Variants in GRID2 observed in about 807,000 individuals in gnomAD.
The protein encoded by GRID2 is glutamate ionotropic receptor delta type subunit 2, also known as glutamate receptor ionotropic, delta-2.
Under a neutral mutation model 114.8 loss-of-function variants are expected in GRID2, and 33 were observed. That is an observed-to-expected ratio of 0.29 (90% CI 0.22 to 0.38). GRID2 has a LOEUF of 0.38. Among genes scored for constraint, GRID2 ranks in the 10% least tolerant of loss-of-function variants. The pLI is 1.00. For synonymous variants in GRID2, 505 were observed against 449.9 expected (o/e 1.12, Z -1.55); for missense variants, 1,184 against 1,257.7 (o/e 0.94, Z 0.89).
chr4:92,936,148 T>C (rs1578526007), intron 2 of GRID2, among the ~76,000 whole-genome samples: 1 of 146,872 alleles, frequency 6.8e-6, no homozygotes, highest in Non-Finnish European at 1.5e-5. Context: ...TATTTTGTTA[T>C]CTCTTTAATT....
Position 93,455,977 on chromosome 4 carries a change from A to G in GRID2, c.1858+3A>G. The G allele has an allele frequency of 6.6e-7, 1 of 1,526,690 alleles. No individual in the cohort carries two copies. The highest frequency in any genetic ancestry group is 9.1e-7 in the Non-Finnish European group (1 of 1,100,460). 94.6% of individuals were successfully genotyped at this position (1,526,690 alleles called of 1,614,324 possible). On this transcript the variant is annotated splice_donor_region_variant and intron_variant, in intron 11 of 15. Transcript: ENST00000282020. ...GTATGGATCTTTTGTACAACAAGGT[A>G]AGGAGCAAAAGTACATTCTAGTATT...
At chr4:93,519,256 T>C (rs765291510) in intron 13 of GRID2, among the ~76,000 whole-genome samples, 3 of 152,078 alleles carry the variant, frequency 2.0e-5, no homozygotes, top group Non-Finnish European at 2.9e-5. Flanking sequence ...CATATGACTA[T>C]TGTGCTGAAA....
intron 1 of GRID2, among the ~76,000 whole-genome samples, chr4:92,372,160 G>T (rs1372950172): frequency 3.3e-5 from 5 of 152,154 alleles, no homozygotes; most frequent in African/African-American, 1.2e-4. Context: ...TCTACTCCTG[G>T]TGAAGATGCT....
intron 9 of GRID2, among the ~76,000 whole-genome samples, chr4:93,407,701 GTCTCCTCCTCCTCCTCCTCCT>G: frequency 8.1e-6 from 1 of 123,360 alleles, no homozygotes; most frequent in Non-Finnish European, 1.7e-5. Flanking sequence ...TGTTTGGAAG[GTCTCCTCCTCCTCCTCCTCCT>G]TCTCCTCCTC....
chr4:92,619,626 A>G (rs991613147), intron 2 of GRID2, among the ~76,000 whole-genome samples: 9 of 151,754 alleles, frequency 5.9e-5, no homozygotes, highest in East Asian at 2.0e-4. Context: ...CAACCCCGGC[A>G]TGGAAGCTGT....
At chr4:93,139,832 A>T (rs1477793178) in intron 4 of GRID2, among the ~76,000 whole-genome samples, 2 of 152,082 alleles carry the variant, frequency 1.3e-5, no homozygotes, top group Admixed American at 1.3e-4. Flanking sequence ...TGTACAACTC[A>T]ATTATATAAT....
At chr4:93,364,549 G>A (rs377254333) in intron 8 of GRID2, among the ~76,000 whole-genome samples, 10 of 152,122 alleles carry the variant, frequency 6.6e-5, no homozygotes, top group East Asian at 5.8e-4. Flanking sequence ...ATAGCTCACC[G>A]TAACGTTCAA....
At chr4:93,449,621 A>G (rs1037646146) in intron 10 of GRID2, among the ~76,000 whole-genome samples, 3 of 152,196 alleles carry the variant, frequency 2.0e-5, no homozygotes, top group South Asian at 2.1e-4. Context: ...TTTAAACCCT[A>G]TAGACAAACG....
At chr4:93,108,029 TCTC>T (rs1732415166) in intron 3 of GRID2, among the ~76,000 whole-genome samples, 1 of 152,196 alleles carries the variant, frequency 6.6e-6, no homozygotes, top group Non-Finnish European at 1.5e-5. Flanking sequence ...ACCACAGTGG[TCTC>T]CTATAGATTT....
intron 2 of GRID2, among the ~76,000 whole-genome samples, chr4:92,985,452 T>C (rs1027540351): frequency 4.6e-5 from 7 of 152,232 alleles, no homozygotes; most frequent in South Asian, 2.1e-4. Flanking sequence ...TTAGCCAGGA[T>C]GGTCTCGATC....
intron 12 of GRID2, among the ~76,000 whole-genome samples, chr4:93,491,971 CT>C (rs1727051778): frequency 6.6e-6 from 1 of 151,812 alleles, no homozygotes; most frequent in Non-Finnish European, 1.5e-5. Flanking sequence ...TGAAATCATG[CT>C]GCTCAAGTTG....
intron 8 of GRID2, among the ~76,000 whole-genome samples, chr4:93,330,313 A>G (rs1315091831): frequency 2.0e-5 from 3 of 152,144 alleles, no homozygotes; most frequent in Non-Finnish European, 4.4e-5. Flanking sequence ...CTCCAGAAAT[A>G]AGAGAAGAAT....
chr4:93,607,319 G>C (rs1740354456), intron 13 of GRID2, among the ~76,000 whole-genome samples: 1 of 152,046 alleles, frequency 6.6e-6, no homozygotes, highest in Non-Finnish European at 1.5e-5. Flanking sequence ...AATACTTTCT[G>C]TGTCTTGCTT....
intron 2 of GRID2, among the ~76,000 whole-genome samples, chr4:92,596,374 T>C (rs926999532): frequency 6.6e-5 from 10 of 152,060 alleles, no homozygotes; most frequent in Admixed American, 1.3e-4. Context: ...TCTACATGTG[T>C]GAATTAGTGG....
intron 2 of GRID2, among the ~76,000 whole-genome samples, chr4:92,927,495 T>C (rs1034739255): frequency 9.2e-5 from 14 of 151,766 alleles, no homozygotes; most frequent in African/African-American, 2.9e-4. Flanking sequence ...CTGTACACAG[T>C]TGGGTTGCAA....
intron 8 of GRID2, among the ~76,000 whole-genome samples, chr4:93,378,452 C>T (rs1763568768): frequency 1.3e-5 from 2 of 152,034 alleles, no homozygotes; most frequent in Non-Finnish European, 2.9e-5. Context: ...ATTGTTATTA[C>T]AAGTTAATCA....
At position 93,608,926 on chromosome 4, in the gene GRID2, C is replaced by T. The variant is rs1052123919; in HGVS notation, c.2194-17343C>T. Among the ~76,000 whole-genome samples, 8 of 129,352 alleles carry T rather than the reference C, an allele frequency of 6.2e-5. 1 individual carries two copies. The highest frequency in any genetic ancestry group is 1.4e-4 in the Non-Finnish European group (8 of 58,692). The allele number at this position is 129,352 out of a possible 152,430, so 84.9% of individuals were successfully genotyped here. A position where few individuals can be genotyped will look rare whatever the true frequency, so the allele number is the denominator to read the frequency against. On this transcript the variant is annotated intron_variant, in intron 13 of 15. Coordinates refer to ENST00000282020, the MANE Select transcript of GRID2 (RefSeq NM_001510.4). The stretch of plus-strand genomic sequence containing the variant: ...TGGTTGAACTAGTTGACAGTCCCAC[C>T]AACAGTGTCAAAGTGTTCCTATTTC...
chr4:93,737,653 T>G (rs1731040789), intron 14 of GRID2, among the ~76,000 whole-genome samples: 1 of 152,134 alleles, frequency 6.6e-6, no homozygotes, highest in South Asian at 2.1e-4. Context: ...AAATAGTACA[T>G]TTCCCCCTGC....
chr4:92,890,729 G>T (rs1746715883), intron 2 of GRID2, among the ~76,000 whole-genome samples: 1 of 152,178 alleles, frequency 6.6e-6, no homozygotes, highest in Admixed American at 6.5e-5. Flanking sequence ...TATAGAACCA[G>T]AAATACCTTT....
Sources: allele counts gnomAD v4.1 joint callset (sites outside exome capture counted in the v4.1 genomes callset), GRCh38; gene constraint gnomAD v4.1.1; transcripts MANE v1.5; gene names NCBI Gene and HGNC (gene_info 2026-07-23, HGNC 2026-07-21).